Variants in ASAP1 observed in about 807,000 individuals in gnomAD.
ASAP1 encodes the protein arf-GAP with SH3 domain, ANK repeat and PH domain-containing protein 1.
A neutral mutation model predicts 145.2 loss-of-function variants in ASAP1; 43 were observed. That is an observed-to-expected ratio of 0.30 (90% CI 0.23 to 0.38). The LOEUF is 0.38. ASAP1 is among the 10% of genes least tolerant of loss of function. The pLI, the probability that ASAP1 is intolerant of heterozygous loss-of-function variation, is 1.00. For missense variants in ASAP1, 1,018 were observed against 1,355.3 expected (o/e 0.75, Z 3.91); for synonymous variants, 546 against 515.5 (o/e 1.06, Z -0.80).
intron 13 of ASAP1, among the ~76,000 whole-genome samples, chr8:130,148,217 T>C (rs932749510): frequency 1.9e-4 from 26 of 135,690 alleles, no homozygotes; most frequent in Non-Finnish European, 3.6e-4. Context: ...ATCTGGCAGC[T>C]GAGGAAAAAA....
rs1564977779 is a variant in ASAP1, at chr8:130,116,744, A to C, written c.1998T>G (p.Val666=). ...CTAGGGCAGTTTCTCCAGCCTGGTT[A>C]ACTGAAATAGGAAAAAAATTAATTT... ...LLRSKPTVDI[V]NQAGETALDI... The change falls in exon 22 of 30, where the codon GTT becomes GTG. Residue 666 remains valine, a splice_region_variant and synonymous_variant. Transcript: ENST00000518721. 1 of 1,613,962 alleles carries C rather than the reference A, an allele frequency of 6.2e-7. No individual in the cohort carries two copies. The highest frequency in any genetic ancestry group is 8.5e-7 in the Non-Finnish European group (1 of 1,179,890).
At chr8:130,165,034 G>C (rs966711780) in intron 11 of ASAP1, among the ~76,000 whole-genome samples, 1 of 152,194 alleles carries the variant, frequency 6.6e-6, no homozygotes, top group African/African-American at 2.4e-5. Context: ...TGTTGTGAAA[G>C]ATCAATGTAT....
intron 3 of ASAP1, among the ~76,000 whole-genome samples, chr8:130,353,192 C>T (rs923208297): frequency 7.9e-5 from 12 of 152,144 alleles, no homozygotes; most frequent in African/African-American, 2.7e-4. Context: ...ACTAGCTTCT[C>T]CATAATACAA....
chr8:130,283,140 G>C (rs1000723854), intron 3 of ASAP1, among the ~76,000 whole-genome samples: 1 of 152,206 alleles, frequency 6.6e-6, no homozygotes, highest in African/African-American at 2.4e-5. Flanking sequence ...TACGTTGTGA[G>C]CTCTGCAGTA....
chr8:130,356,516 G>C (rs530287937), intron 3 of ASAP1, among the ~76,000 whole-genome samples: 9 of 151,988 alleles, frequency 5.9e-5, no homozygotes, highest in Non-Finnish European at 1.2e-4. Flanking sequence ...GAGTATAACA[G>C]ACTGGCAGTT....
At chr8:130,345,029 C>G (rs1331060148) in intron 3 of ASAP1, among the ~76,000 whole-genome samples, 1 of 152,154 alleles carries the variant, frequency 6.6e-6, no homozygotes, top group East Asian at 1.9e-4. Context: ...GAACTGAACT[C>G]AAGCCTCATC....
chr8:130,322,701 C>G (rs1312960042), intron 3 of ASAP1, among the ~76,000 whole-genome samples: 3 of 152,142 alleles, frequency 2.0e-5, no homozygotes, highest in Non-Finnish European at 4.4e-5. Flanking sequence ...AATCCTCATG[C>G]TAGGGATTGT....
chr8:130,089,206 A>T (rs532383606), intron 25 of ASAP1, among the ~76,000 whole-genome samples: 4 of 152,304 alleles, frequency 2.6e-5, no homozygotes, highest in South Asian at 2.1e-4. Flanking sequence ...ATGACTAAAC[A>T]TTAACATAAA....
At chr8:130,070,137 C>T (rs895030683) in intron 27 of ASAP1, among the ~76,000 whole-genome samples, 18 of 152,088 alleles carry the variant, frequency 1.2e-4, no homozygotes, top group South Asian at 2.1e-4. Context: ...CCCGGGTTCA[C>T]GCCATTCTCC....
chr8:130,174,584 C>T (rs1199085074), intron 9 of ASAP1, among the ~76,000 whole-genome samples: 3 of 152,180 alleles, frequency 2.0e-5, no homozygotes, highest in African/African-American at 4.8e-5. Context: ...AGGTTCAGAA[C>T]TTTCAGCCCC....
intron 1 of ASAP1, among the ~76,000 whole-genome samples, chr8:130,412,237 A>T (rs1051484678): frequency 1.3e-5 from 2 of 152,190 alleles, no homozygotes; most frequent in Non-Finnish European, 2.9e-5. Flanking sequence ...TTCATACTGA[A>T]TTATAATCCC....
intron 4 of ASAP1, among the ~76,000 whole-genome samples, chr8:130,218,257 G>A (rs1817058914): frequency 1.3e-5 from 2 of 152,028 alleles, no homozygotes; most frequent in African/African-American, 4.8e-5. Flanking sequence ...ATTCAGCTGT[G>A]TGTTCATTTT....
At chr8:130,315,937 G>A (rs973189800) in intron 3 of ASAP1, among the ~76,000 whole-genome samples, 1 of 152,104 alleles carries the variant, frequency 6.6e-6, no homozygotes, top group African/African-American at 2.4e-5. Context: ...CCTCTACCTG[G>A]TTTCATGGCT....
chr8:130,387,543 A>AG (rs1477929939), intron 2 of ASAP1, among the ~76,000 whole-genome samples: 1 of 151,636 alleles, frequency 6.6e-6, no homozygotes, highest in African/African-American at 2.4e-5. Context: ...CAAGAAAGAA[A>AG]AAAAAAAAAA....
At chr8:130,234,610 CT>C (rs2136648163) in intron 4 of ASAP1, among the ~76,000 whole-genome samples, 1 of 152,238 alleles carries the variant, frequency 6.6e-6, no homozygotes, top group African/African-American at 2.4e-5. Context: ...GTAGAGGAGC[CT>C]TTGTATGAGC....
intron 7 of ASAP1, among the ~76,000 whole-genome samples, chr8:130,181,835 A>C (rs975838550): frequency 5.9e-5 from 9 of 152,248 alleles, no homozygotes; most frequent in South Asian, 4.1e-4. Context: ...CTAATTTCAG[A>C]AACAACCTGT....
At chr8:130,321,701 G>A (rs1186566380) in intron 3 of ASAP1, among the ~76,000 whole-genome samples, 1 of 152,104 alleles carries the variant, frequency 6.6e-6, no homozygotes, top group Non-Finnish European at 1.5e-5. Context: ...CACTTAAATT[G>A]TCTAAGTTCT....
At chr8:130,282,189 T>C (rs570086410) in intron 3 of ASAP1, among the ~76,000 whole-genome samples, 7 of 152,268 alleles carry the variant, frequency 4.6e-5, no homozygotes, top group African/African-American at 1.7e-4. Flanking sequence ...TTAATCACAC[T>C]GTCAAAGCAG....
At chr8:130,179,037 T>C (rs2136160223) in intron 9 of ASAP1, 1 of 408,624 alleles carries the variant, frequency 2.4e-6, no homozygotes, top group Middle Eastern at 6.6e-4. Context: ...TAAGTATTTG[T>C]CTTCTTGTAA....
Sources: allele counts gnomAD v4.1 joint callset (sites outside exome capture counted in the v4.1 genomes callset), GRCh38; gene constraint gnomAD v4.1.1; transcripts MANE v1.5; gene names NCBI Gene and HGNC (gene_info 2026-07-23, HGNC 2026-07-21).